Variants in PSD3 observed in about 807,000 individuals in gnomAD.
PSD3 encodes pleckstrin and Sec7 domain containing 3.
Under a neutral mutation model 105.5 loss-of-function variants are expected in PSD3, and 49 were observed. The ratio of observed to expected loss-of-function variants is 0.46; its 90% CI spans 0.37 to 0.59. The LOEUF (loss-of-function observed/expected upper bound fraction) is 0.59. Ranked by LOEUF, PSD3 falls within the 20% of genes least tolerant of loss-of-function variation. The probability of loss-of-function intolerance (pLI) is 0.00; values close to 1 mark genes in which losing one functional copy is unlikely to be tolerated. For missense variants in PSD3, 1,561 were observed against 1,263.8 expected, an observed-to-expected ratio of 1.24 and a Z score of -3.57; for synonymous variants, 557 against 457.8, an observed-to-expected ratio of 1.22 and a Z score of -2.77.
Position 18,931,746 on chromosome 8 carries a change from C to T in PSD3, c.130+4288G>A, listed in dbSNP as rs183497513. ...TCCTCCGTTAGTCATCAGGTACCTT[C>T]TCCAACAGAAGAGTCCCCGAAGGCC... On this transcript the variant is annotated intron_variant, in intron 2 of 15. Coordinates refer to ENST00000327040, the MANE Select transcript of PSD3 (RefSeq NM_015310.4). Among the ~76,000 whole-genome samples the T allele has an allele frequency of 1.7e-3, 259 of 152,356 alleles. 1 individual carries two copies. Among genetic ancestry groups the T allele is most frequent in the African/African-American group, 6.1e-3 (252 of 41,584 alleles).
intron 9 of PSD3, among the ~76,000 whole-genome samples, chr8:18,687,180 C>T (rs28524554): frequency 0.12 from 18,471 of 152,150 alleles, 2,407 homozygotes; most frequent in African/African-American, 0.29. Context: ...AAAGAAAATT[C>T]AGGATGGGTG....
At chr8:18,848,330 C>T (rs531370119) in intron 4 of PSD3, among the ~76,000 whole-genome samples, 19 of 152,316 alleles carry the variant, frequency 1.2e-4, no homozygotes, top group Non-Finnish European at 2.6e-4. Context: ...ATACTGAATA[C>T]ATACTGCGTA....
At chr8:18,761,621 A>G (rs1441746823) in intron 9 of PSD3, among the ~76,000 whole-genome samples, 1 of 152,198 alleles carries the variant, frequency 6.6e-6, no homozygotes, top group Non-Finnish European at 1.5e-5. Flanking sequence ...CTCAAAACAC[A>G]GCCTACAATA....
intron 1 of PSD3, among the ~76,000 whole-genome samples, chr8:18,953,054 G>A (rs1051416286): frequency 6.6e-6 from 1 of 152,134 alleles, no homozygotes; most frequent in Non-Finnish European, 1.5e-5. Context: ...AAAACAGGCA[G>A]AAGATAAAAA....
intron 15 of PSD3, among the ~76,000 whole-genome samples, chr8:18,551,061 T>C (rs74707758): frequency 0.023 from 3,579 of 152,314 alleles, 66 homozygotes; most frequent in East Asian, 0.086. Context: ...TGCAGCTTAA[T>C]TGCTAGAAAA....
rs114884430 is a variant in PSD3 at position 18,945,503 on chromosome 8, G to A, written c.22-9361C>T. Among the ~76,000 whole-genome samples, 1,258 of 152,264 alleles carry A rather than the reference G, an allele frequency of 8.3e-3. 14 individuals carry two copies. Among genetic ancestry groups the A allele is most frequent in the African/African-American group, 0.029 (1,213 of 41,540 alleles). On this transcript the variant is annotated intron_variant, in intron 1 of 15. Transcript: ENST00000327040. ...CTGGCACCTTGATTTTAGCCCCTAA[G>A]ACTCCTTTCCGACTTCTAGTCTCCA...
chr8:18,868,299 C>T (rs1009793602), intron 3 of PSD3, among the ~76,000 whole-genome samples: 3 of 152,110 alleles, frequency 2.0e-5, no homozygotes, highest in Admixed American at 6.5e-5. Flanking sequence ...AAACTAGTTT[C>T]CTAATGTGTG....
At chr8:18,888,085 C>A (rs1376708394) in intron 2 of PSD3, among the ~76,000 whole-genome samples, 1 of 152,282 alleles carries the variant, frequency 6.6e-6, no homozygotes, top group South Asian at 2.1e-4. Flanking sequence ...GCTAAAGTGC[C>A]TCCAGGGGGA....
chr8:18,624,584 C>A (rs989563135), intron 11 of PSD3, among the ~76,000 whole-genome samples: 10 of 144,538 alleles, frequency 6.9e-5, no homozygotes, highest in African/African-American at 2.6e-4. Context: ...ATACCTAATG[C>A]TAAATGACGA....
rs192276400 is a variant in PSD3, at chr8:18,761,225, C to G, written c.2172+4224G>C. ...CAAGATTCATTTTCAGTCAACGTCACAGGTGCTTCCTTTCAAAGAGCAGAG... is the reference window on the plus strand; with the variant it reads ...CAAGATTCATTTTCAGTCAACGTCAGAGGTGCTTCCTTTCAAAGAGCAGAG... On this transcript the variant is annotated intron_variant, in intron 9 of 15. Transcript: ENST00000327040. Among the ~76,000 whole-genome samples, 5 of 152,292 alleles carry G rather than the reference C, an allele frequency of 3.3e-5. No homozygotes were observed. In the East Asian group the frequency reaches 9.7e-4, roughly 29 times the overall value.
chr8:19,024,088 GAAGA>G (rs1304754117), intron 1 of PSD3, among the ~76,000 whole-genome samples: 2 of 152,140 alleles, frequency 1.3e-5, no homozygotes, highest in African/African-American at 4.8e-5. Flanking sequence ...AAACATTTGA[GAAGA>G]AAGTCCCCAT....
intron 2 of PSD3, among the ~76,000 whole-genome samples, chr8:18,906,021 T>A (rs1334940731): frequency 5.9e-5 from 9 of 152,164 alleles, no homozygotes; most frequent in Non-Finnish European, 1.2e-4. Flanking sequence ...AAGAGATTAT[T>A]TTATAGTAAA....
intron 11 of PSD3, among the ~76,000 whole-genome samples, chr8:18,608,850 C>A (rs1805050860): frequency 6.6e-6 from 1 of 152,104 alleles, no homozygotes; most frequent in Non-Finnish European, 1.5e-5. Flanking sequence ...CTTTTCTTCT[C>A]AACTGAACTG....
intron 2 of PSD3, among the ~76,000 whole-genome samples, chr8:18,912,448 C>G (rs987036654): frequency 6.7e-6 from 1 of 149,910 alleles, no homozygotes; most frequent in Non-Finnish European, 1.5e-5. Context: ...AACTTTTGTA[C>G]TTAAATTTCT....
chr8:18,876,345 T>TA (rs1460949680), intron 2 of PSD3, among the ~76,000 whole-genome samples: 2 of 152,176 alleles, frequency 1.3e-5, no homozygotes, highest in Non-Finnish European at 2.9e-5. Context: ...CTGCTATGAA[T>TA]AAAAAATGTG....
chr8:18,903,558 T>C (rs1819649241), intron 2 of PSD3, among the ~76,000 whole-genome samples: 1 of 152,182 alleles, frequency 6.6e-6, no homozygotes, highest in African/African-American at 2.4e-5. Context: ...CTGTTTGGTC[T>C]ATAGGCCAGT....
At chr8:18,546,664 G>C (rs1410728442) in intron 15 of PSD3, among the ~76,000 whole-genome samples, 2 of 152,050 alleles carry the variant, frequency 1.3e-5, no homozygotes, top group Admixed American at 6.6e-5. Context: ...ATTATCCTCA[G>C]GAAATTTGAA....
At chr8:18,683,503 G>C (rs1375477594) in intron 9 of PSD3, among the ~76,000 whole-genome samples, 2 of 152,220 alleles carry the variant, frequency 1.3e-5, no homozygotes, top group East Asian at 1.9e-4. Context: ...CCAAACAACA[G>C]TTTCCCACAG....
chr8:19,060,916 G>A (rs1370360540), intron 1 of PSD3, among the ~76,000 whole-genome samples: 1 of 152,192 alleles, frequency 6.6e-6, no homozygotes, highest in Non-Finnish European at 1.5e-5. Context: ...ATCTTCTTTG[G>A]CAGGGTAACA....
Sources: allele counts gnomAD v4.1 joint callset (sites outside exome capture counted in the v4.1 genomes callset), GRCh38; gene constraint gnomAD v4.1.1; transcripts MANE v1.5; gene names NCBI Gene and HGNC (gene_info 2026-07-23, HGNC 2026-07-21).